Variants in PPP1R13B observed in about 807,000 individuals in gnomAD.
PPP1R13B encodes apoptosis-stimulating of p53 protein 1.
In PPP1R13B, 44 loss-of-function variants were observed where a neutral mutation model predicts 119.8. That is an observed-to-expected ratio of 0.37 (90% CI 0.29 to 0.47). The LOEUF (loss-of-function observed/expected upper bound fraction) is 0.47, where lower values mean the gene tolerates loss of function less well. Ranked by LOEUF, PPP1R13B falls within the 20% of genes least tolerant of loss-of-function variation. The pLI, the probability that PPP1R13B is intolerant of heterozygous loss-of-function variation, is 0.99. For missense variants in PPP1R13B, 1,227 were observed against 1,413.5 expected (o/e 0.87, Z 2.12); for synonymous variants, 542 against 561.5 (o/e 0.97, Z 0.49).
chr14:103,823,564 C>T (rs2086462744), intron 1 of PPP1R13B, among the ~76,000 whole-genome samples: 1 of 152,072 alleles, frequency 6.6e-6, no homozygotes, highest in Admixed American at 6.6e-5. Context: ...ACCTTGTCAC[C>T]AAGATCTTAT....
chr14:103,757,361 A>G (rs1410011888), intron 5 of PPP1R13B, among the ~76,000 whole-genome samples: 1 of 152,078 alleles, frequency 6.6e-6, no homozygotes, highest in Non-Finnish European at 1.5e-5. Flanking sequence ...GCCCCTTTCC[A>G]AATTTTATCT....
intron 1 of PPP1R13B, among the ~76,000 whole-genome samples, chr14:103,821,784 T>C (rs1348987289): frequency 6.6e-6 from 1 of 151,392 alleles, no homozygotes; most frequent in Non-Finnish European, 1.5e-5. Flanking sequence ...AATAAATAAA[T>C]AAAGAGGAGC....
In PPP1R13B at chr14:103,779,012, G is replaced by A. The variant is rs966848122; in HGVS notation, c.278-191C>T. ...TTATATATAAAGTTGTTCAGGCTGC[G>A]CTCAGTGGCTCACACCTATAATCCC... On this transcript the variant is annotated intron_variant, in intron 3 of 16. Transcript: ENST00000202556. Among the ~76,000 whole-genome samples, 18 of 152,170 alleles carry A rather than the reference G, an allele frequency of 1.2e-4. 1 individual carries two copies. Among genetic ancestry groups the A allele is most frequent in the Non-Finnish European group, 7.3e-5 (5 of 68,034 alleles).
intron 1 of PPP1R13B, among the ~76,000 whole-genome samples, chr14:103,822,824 A>T (rs1031109686): frequency 3.9e-5 from 6 of 152,182 alleles, no homozygotes; most frequent in African/African-American, 1.2e-4. Flanking sequence ...AGAAAAAAAA[A>T]AAGTATTTCC....
In PPP1R13B at chr14:103,739,013, G is replaced by T; in HGVS notation, c.2603C>A (p.Thr868Asn). Residue 868 changes from threonine to asparagine, a missense_variant, in exon 13 of 17, where the codon ACC becomes AAC. Transcript: ENST00000202556. ...CTCCGAGTTGGGCTTCTTCAAGTTG[G>T]TCCGCTTGTTCTGTTGGGAAGGAAG... Reference protein sequence around the residue: ...HPPATSTNKRTNLKKPNSERT... With the variant: ...HPPATSTNKRNNLKKPNSERT... The T allele has an allele frequency of 6.2e-7, 1 of 1,613,622 alleles. No homozygotes were observed. Among genetic ancestry groups the T allele is most frequent in the Non-Finnish European group, 8.5e-7 (1 of 1,179,764 alleles).
intron 2 of PPP1R13B, among the ~76,000 whole-genome samples, chr14:103,785,450 C>A (rs183190495): frequency 2.9e-4 from 44 of 151,896 alleles, no homozygotes; most frequent in African/African-American, 1.0e-3. Flanking sequence ...ACTCCTGACC[C>A]CAGGTGATCC....
chr14:103,762,869 GA>G, intron 4 of PPP1R13B: 1 of 1,032,310 alleles, frequency 9.7e-7, no homozygotes, highest in Non-Finnish European at 1.5e-6. Context: ...AAGTTCAAAA[GA>G]AGGACAAGAC....
chr14:103,824,492 G>A (rs188108731), intron 1 of PPP1R13B, among the ~76,000 whole-genome samples: 4 of 151,496 alleles, frequency 2.6e-5, no homozygotes, highest in Non-Finnish European at 4.4e-5. Context: ...TCAGGAGTTC[G>A]AGACTAGCCT....
At chr14:103,768,260 C>A (rs1166710123) in intron 4 of PPP1R13B, among the ~76,000 whole-genome samples, 1 of 151,842 alleles carries the variant, frequency 6.6e-6, no homozygotes, top group East Asian at 1.9e-4. Flanking sequence ...GGATTACAGG[C>A]ACCCATCACC....
chr14:103,787,380 G>A (rs1029607487), intron 2 of PPP1R13B, among the ~76,000 whole-genome samples: 1 of 152,036 alleles, frequency 6.6e-6, no homozygotes, highest in East Asian at 2.0e-4. Flanking sequence ...CCTGGGAGGT[G>A]GAGGTTGTGG....
chr14:103,767,078 C>T (rs2084955207), intron 4 of PPP1R13B, among the ~76,000 whole-genome samples: 1 of 152,136 alleles, frequency 6.6e-6, no homozygotes, highest in Non-Finnish European at 1.5e-5. Flanking sequence ...ACCCGAAGGG[C>T]TTTGGAGTGG....
chr14:103,832,019 T>C (rs1017781085), intron 1 of PPP1R13B, among the ~76,000 whole-genome samples: 1 of 152,028 alleles, frequency 6.6e-6, no homozygotes, highest in Non-Finnish European at 1.5e-5. Flanking sequence ...GGCAGGAGGA[T>C]TGTTTGAGTC....
intron 2 of PPP1R13B, among the ~76,000 whole-genome samples, chr14:103,789,921 A>G (rs2152032039): frequency 6.6e-6 from 1 of 152,278 alleles, no homozygotes; most frequent in African/African-American, 2.4e-5. Context: ...TGTAAGATAA[A>G]GAGGAGAACT....
In PPP1R13B at chr14:103,847,302, C is replaced by T; in HGVS notation, c.6G>A (p.Met2Ile). Reference sequence around the variant, plus strand: ...CCTCCCGCCCGCCCTCACCCACCGGCATCATCGCGGGGAGAGTCCGCGACG... The same window carrying T: ...CCTCCCGCCCGCCCTCACCCACCGGTATCATCGCGGGGAGAGTCCGCGACG... M[M>I]PMILTVFLSN... Residue 2 changes from methionine to isoleucine, a missense_variant, in exon 1 of 17, where the codon ATG becomes ATA. Transcript: ENST00000202556. The T allele has an allele frequency of 8.0e-7, 1 of 1,247,628 alleles. No homozygotes were observed. Among genetic ancestry groups the T allele is most frequent in the Non-Finnish European group, 1.0e-6 (1 of 975,924 alleles). 77.3% of individuals were successfully genotyped at this position (1,247,628 alleles called of 1,614,324 possible).
chr14:103,803,995 A>T, intron 1 of PPP1R13B: 7 of 934,196 alleles, frequency 7.5e-6, no homozygotes, highest in Non-Finnish European at 8.9e-6. Flanking sequence ...ACATTAAATT[A>T]TCAATAGTTT....
At chr14:103,830,583 C>A (rs1413497645) in intron 1 of PPP1R13B, among the ~76,000 whole-genome samples, 2 of 152,182 alleles carry the variant, frequency 1.3e-5, no homozygotes, top group Admixed American at 6.5e-5. Flanking sequence ...GTTCCAAAAT[C>A]TGTACTCTTT....
rs570824165 is a variant in PPP1R13B at position 103,800,053 on chromosome 14, A to AAAAT, written c.10-2539_10-2536dup. On this transcript the variant is annotated intron_variant, in intron 1 of 16. Transcript: ENST00000202556. Reference sequence around the variant, plus strand: ...GGTGACAGAGCAAGACTCTATCTCAAAAATAAATAAATAAATAAATAAAAA... The same window carrying AAAAT: ...GGTGACAGAGCAAGACTCTATCTCAAAAATAAATAAATAAATAAATAAATAAAAA... 1.3e-3 allele frequency among the ~76,000 whole-genome samples: 193 copies of AAAAT among 151,962 alleles called. No homozygotes were observed. In the East Asian group the frequency reaches 0.014, roughly 11 times the overall value.
intron 1 of PPP1R13B, among the ~76,000 whole-genome samples, chr14:103,822,119 G>A (rs1233119288): frequency 6.6e-6 from 1 of 151,748 alleles, no homozygotes; most frequent in Non-Finnish European, 1.5e-5. Context: ...AATCCCAAGA[G>A]ATGAGGATCA....
chr14:103,766,040 GCT>G (rs1156749673), intron 4 of PPP1R13B, among the ~76,000 whole-genome samples: 1 of 146,120 alleles, frequency 6.8e-6, no homozygotes, highest in Non-Finnish European at 1.5e-5. Context: ...ACGGAGTCTA[GCT>G]CTGTCGCCCA....
Sources: gnomAD v4.1 joint callset for allele counts (sites outside exome capture counted in the v4.1 genomes callset) on GRCh38, gnomAD v4.1.1 for gene constraint, MANE v1.5 for transcripts, NCBI Gene and HGNC (gene_info 2026-07-23, HGNC 2026-07-21) for gene names.